The following NAA11 variants were observed in gnomAD, a reference collection of about 807,000 sequenced individuals.
NAA11 encodes N-alpha-acetyltransferase 11.
A neutral mutation model predicts 16.1 loss-of-function variants in NAA11; 15 were observed. The observed-to-expected ratio is 0.93, with a 90% CI of 0.62 to 1.44. The LOEUF (loss-of-function observed/expected upper bound fraction) is 1.44. Ranked by LOEUF, NAA11 falls within the 40% of genes most tolerant of loss-of-function variation. The pLI is 0.00. For missense variants in NAA11, 298 were observed against 291.3 expected, an observed-to-expected ratio of 1.02 and a Z score of -0.17; for synonymous variants, 122 against 112.4, an observed-to-expected ratio of 1.09 and a Z score of -0.54.
Position 79,321,035 on chromosome 4 carries a change from T to C in NAA11, c.*13-3244A>G, listed in dbSNP as rs377038751. The stretch of plus-strand genomic sequence containing the variant: ...GACTTCAGAGGAGAGGGGTCATTTG[T>C]CCCAGGTTTAATTAGTGGCATAATG... On this transcript the variant is annotated intron_variant, in intron 1 of 1. Coordinates refer to ENST00000286794, the MANE Select transcript of NAA11 (RefSeq NM_032693.3). Among the ~76,000 whole-genome samples the C allele has an allele frequency of 3.9e-5, 6 of 152,312 alleles. No homozygotes were observed. The East Asian group carries it at 9.6e-4, about 24-fold the overall frequency.
At chr4:79,219,671 C>T in the NAA11 span, among the ~76,000 whole-genome samples, 1 of 151,928 alleles carries the variant, frequency 6.6e-6, no homozygotes, top group Non-Finnish European at 1.5e-5. Flanking sequence ...CACATATATA[C>T]CTCCATTTCA....
At chr4:79,181,635 G>A in the NAA11 span, among the ~76,000 whole-genome samples, 19 of 152,278 alleles carry the variant, frequency 1.2e-4, no homozygotes, top group East Asian at 2.3e-3. Context: ...TAACAGTCTC[G>A]TAGTTTATTA....
chr4:79,180,997 G>A, the NAA11 span, among the ~76,000 whole-genome samples: 5 of 151,844 alleles, frequency 3.3e-5, no homozygotes, highest in African/African-American at 7.3e-5. Context: ...ACCAAACACC[G>A]CATGTTCTCA....
intron 2 of NAA11, among the ~76,000 whole-genome samples, chr4:79,232,098 T>C (rs1477756519): frequency 2.0e-5 from 3 of 151,866 alleles, no homozygotes; most frequent in Admixed American, 1.3e-4. Flanking sequence ...ATGGATGAAA[T>C]GATATGATGT....
At chr4:79,286,770 C>A (rs1328335269) in intron 2 of NAA11, among the ~76,000 whole-genome samples, 1 of 151,908 alleles carries the variant, frequency 6.6e-6, no homozygotes, top group Non-Finnish European at 1.5e-5. Context: ...CCAAATTTAC[C>A]ATTATAGAAT....
the NAA11 span, among the ~76,000 whole-genome samples, chr4:79,173,781 A>G: frequency 2.6e-5 from 4 of 152,148 alleles, no homozygotes; most frequent in Admixed American, 2.0e-4. Flanking sequence ...TAATGAGAAG[A>G]CAATGTTAGC....
intron 2 of NAA11, among the ~76,000 whole-genome samples, chr4:79,263,736 T>C (rs921489382): frequency 6.6e-6 from 1 of 152,098 alleles, no homozygotes; most frequent in Non-Finnish European, 1.5e-5. Context: ...TACTTGGAAA[T>C]CCCTCCATAT....
chr4:79,199,495 C>G, the NAA11 span, among the ~76,000 whole-genome samples: 3 of 151,690 alleles, frequency 2.0e-5, no homozygotes, highest in Admixed American at 2.0e-4. Context: ...AGGCAAAATG[C>G]AAATAAGTAC....
At chr4:79,316,149 T>C (rs141719604), downstream of NAA11, among the ~76,000 whole-genome samples, 8 of 152,164 alleles carry the variant, frequency 5.3e-5, no homozygotes, top group East Asian at 3.9e-4. Context: ...CAAAGACATA[T>C]TGACAAAAGC....
At chr4:79,213,031 C>T in the NAA11 span, among the ~76,000 whole-genome samples, 5 of 152,118 alleles carry the variant, frequency 3.3e-5, no homozygotes, top group South Asian at 2.1e-4. Flanking sequence ...AAATACAGTA[C>T]TCTACTTGTA....
intron 2 of NAA11, among the ~76,000 whole-genome samples, chr4:79,255,046 G>C (rs1722076907): frequency 6.6e-6 from 1 of 152,006 alleles, no homozygotes; most frequent in East Asian, 1.9e-4. Context: ...CCAAAATGTA[G>C]AGTGAAAAAA....
At chr4:79,256,956 C>T (rs527310387) in intron 2 of NAA11, among the ~76,000 whole-genome samples, 2 of 152,010 alleles carry the variant, frequency 1.3e-5, no homozygotes, top group South Asian at 2.1e-4. Context: ...ACTTTTGTAG[C>T]CATGTCAGAA....
At chr4:79,186,355 C>T in the NAA11 span, among the ~76,000 whole-genome samples, 1 of 152,106 alleles carries the variant, frequency 6.6e-6, no homozygotes, top group Non-Finnish European at 1.5e-5. Context: ...GAATTCGAAG[C>T]TGTTGGCAAG....
chr4:79,229,279 A>G (rs996190945), intron 2 of NAA11, among the ~76,000 whole-genome samples: 3 of 151,650 alleles, frequency 2.0e-5, no homozygotes, highest in African/African-American at 7.3e-5. Flanking sequence ...TTTACATGTG[A>G]ATATTCAGTT....
At chr4:79,292,854 T>C (rs1037665781) in intron 2 of NAA11, among the ~76,000 whole-genome samples, 11 of 152,208 alleles carry the variant, frequency 7.2e-5, no homozygotes, top group African/African-American at 2.7e-4. Context: ...TTTGAATGAA[T>C]CACACTGTAT....
the NAA11 span, among the ~76,000 whole-genome samples, chr4:79,207,576 C>G: frequency 6.6e-6 from 1 of 152,006 alleles, no homozygotes; most frequent in Non-Finnish European, 1.5e-5. Context: ...GACTTCTAGT[C>G]TTCAGAGTTA....
chr4:79,240,971 C>T (rs1342177590), intron 2 of NAA11, among the ~76,000 whole-genome samples: 3 of 152,202 alleles, frequency 2.0e-5, no homozygotes, highest in African/African-American at 7.2e-5. Context: ...AAAGAATCGT[C>T]AACCAGCTGA....
chr4:79,166,511 C>A, the NAA11 span, among the ~76,000 whole-genome samples: 2 of 150,188 alleles, frequency 1.3e-5, no homozygotes, highest in Non-Finnish European at 3.0e-5. Flanking sequence ...ACTACCATAC[C>A]TGCCTATTAC....
At chr4:79,188,502 G>A in the NAA11 span, among the ~76,000 whole-genome samples, 1 of 151,928 alleles carries the variant, frequency 6.6e-6, no homozygotes, top group South Asian at 2.1e-4. Flanking sequence ...GGAGAATGGC[G>A]TGAAGCTGAG....
Sources: allele counts gnomAD v4.1 joint callset (sites outside exome capture counted in the v4.1 genomes callset), GRCh38; gene constraint gnomAD v4.1.1; transcripts MANE v1.5; gene names NCBI Gene and HGNC (gene_info 2026-07-23, HGNC 2026-07-21).